IFT57: variants seen among roughly 807,000 people sequenced by gnomAD.
IFT57 encodes the protein intraflagellar transport protein 57 homolog.
Under a neutral mutation model 56.8 loss-of-function variants are expected in IFT57, and 59 were observed. That is an observed-to-expected ratio of 1.04 (90% CI 0.84 to 1.29). IFT57 has a LOEUF of 1.29. Among genes scored for constraint, IFT57 ranks in the 50% most tolerant of loss-of-function variants. The pLI is 0.00. For missense variants in IFT57, 470 were observed against 522.1 expected, an observed-to-expected ratio of 0.90 and a Z score of 0.97; for synonymous variants, 209 against 186.1, an observed-to-expected ratio of 1.12 and a Z score of -1.00.
In IFT57 at chr3:108,222,263, G is replaced by C; in HGVS notation, c.60C>G (p.Ser20=). ...TSGLEDGVPR[S]RGEGTGEVVL... ...CCACTTCCCCGGTCCCTTCGCCACG[G>C]GACCTAGGCACCCCATCTTCCAAAC... The change falls in exon 1 of 11, where the codon TCC becomes TCG. Residue 20 remains serine (S), a synonymous_variant. Transcript: ENST00000264538. 6.2e-7 allele frequency: 1 copy of C among 1,614,034 alleles called. No homozygotes were observed. The highest frequency in any genetic ancestry group is 8.5e-7 in the Non-Finnish European group (1 of 1,180,022).
chr3:108,164,800 T>A (rs1326067927), intron 9 of IFT57, among the ~76,000 whole-genome samples: 1 of 152,128 alleles, frequency 6.6e-6, no homozygotes, highest in Non-Finnish European at 1.5e-5. Context: ...TTGTTCCAAT[T>A]ATACTGGATT....
At chr3:108,204,966 A>G (rs1023420776) in intron 5 of IFT57, among the ~76,000 whole-genome samples, 1 of 152,210 alleles carries the variant, frequency 6.6e-6, no homozygotes, top group African/African-American at 2.4e-5. Flanking sequence ...CGATCTGCAA[A>G]TGTAAGGTAT....
intron 5 of IFT57, among the ~76,000 whole-genome samples, chr3:108,193,887 G>A (rs1185298283): frequency 4.6e-5 from 7 of 152,312 alleles, no homozygotes; most frequent in South Asian, 2.1e-4. Context: ...TAGACTCTAC[G>A]AGACCCAGCT....
intron 3 of IFT57, among the ~76,000 whole-genome samples, chr3:108,214,875 T>C (rs2080362529): frequency 6.6e-6 from 1 of 152,188 alleles, no homozygotes; most frequent in South Asian, 2.1e-4. Flanking sequence ...CTATTCAAGA[T>C]TGTTATAGTT....
intron 4 of IFT57, among the ~76,000 whole-genome samples, chr3:108,207,172 TC>T (rs2108324372): frequency 6.6e-6 from 1 of 152,314 alleles, no homozygotes. Flanking sequence ...TGACATCTCA[TC>T]TCTGGTATGT....
intron 9 of IFT57, among the ~76,000 whole-genome samples, chr3:108,164,417 T>G: frequency 6.6e-6 from 1 of 152,182 alleles, no homozygotes. Flanking sequence ...TTTTACATGA[T>G]CTACAACTAA....
intron 10 of IFT57, among the ~76,000 whole-genome samples, 165 bp from the exon 11 acceptor site, chr3:108,162,820 C>A (rs2080041334): frequency 6.6e-6 from 1 of 151,988 alleles, no homozygotes; most frequent in Admixed American, 6.6e-5. Context: ...ATTTTAAGCA[C>A]CTGAGATTTT....
At chr3:108,211,901 T>G (rs1040948570) in intron 4 of IFT57, among the ~76,000 whole-genome samples, 2 of 152,228 alleles carry the variant, frequency 1.3e-5, no homozygotes, top group African/African-American at 4.8e-5. Flanking sequence ...ACATAAAATT[T>G]GGAATCATCT....
intron 1 of IFT57, among the ~76,000 whole-genome samples, chr3:108,221,653 A>C (rs886645612): frequency 6.6e-6 from 1 of 152,190 alleles, no homozygotes; most frequent in Admixed American, 6.5e-5. Flanking sequence ...ACAGGGTCTT[A>C]AACAACAACA....
At chr3:108,172,773 A>C (rs967148443) in intron 6 of IFT57, among the ~76,000 whole-genome samples, 2 of 151,844 alleles carry the variant, frequency 1.3e-5, no homozygotes, top group African/African-American at 4.8e-5. Context: ...AACTGAGGGG[A>C]TATTAATACT....
At chr3:108,166,632 T>C (rs192633984) in intron 8 of IFT57, among the ~76,000 whole-genome samples, 6 of 152,168 alleles carry the variant, frequency 3.9e-5, no homozygotes, top group Admixed American at 3.9e-4. Flanking sequence ...TTAAATCAAA[T>C]GAAGACGTGC....
intron 6 of IFT57, among the ~76,000 whole-genome samples, chr3:108,190,105 A>G (rs756183410): frequency 2.0e-5 from 3 of 152,168 alleles, no homozygotes; most frequent in Admixed American, 6.6e-5. Context: ...AAGTCTGCCT[A>G]TAAGTGGACC....
chr3:108,165,342 G>T, intron 9 of IFT57, 89 bp downstream of exon 9: 1 of 964,920 alleles, frequency 1.0e-6, no homozygotes, highest in Non-Finnish European at 1.7e-6. Context: ...GGAAGCAACT[G>T]AAATTAGCAG....
At chr3:108,169,087 T>G (rs62264153) in intron 6 of IFT57, among the ~76,000 whole-genome samples, 13,917 of 152,044 alleles carry the variant, frequency 0.092, 696 homozygotes, top group Middle Eastern at 0.12. Context: ...TCCACAATGG[T>G]TGAACTAATT....
chr3:108,176,778 C>T lies in IFT57; in HGVS notation c.778-8914G>A, dbSNP rs556147598. Among the ~76,000 whole-genome samples the T allele has an allele frequency of 5.3e-5, 8 of 151,932 alleles. No individual in the cohort carries two copies. In the South Asian group the frequency reaches 1.7e-3, roughly 31 times the overall value. ...GTTACTTAGAAATTTTTTCTCTCTC[C>T]TTCCTTGGGTATGGAGTAGTACCTC... is the stretch of plus-strand genomic sequence containing the variant. On this transcript the variant is annotated intron_variant, in intron 6 of 10. Coordinates refer to ENST00000264538, the MANE Select transcript of IFT57 (RefSeq NM_018010.4).
chr3:108,191,421 G>A (rs1345468457), intron 6 of IFT57, 100 bp downstream of exon 6: 5 of 701,760 alleles, frequency 7.1e-6, no homozygotes, highest in Non-Finnish European at 1.1e-5. Context: ...GAATCCTACT[G>A]CCCTTCTTTA....
intron 5 of IFT57, among the ~76,000 whole-genome samples, chr3:108,205,815 TTA>T (rs1376498830): frequency 4.7e-5 from 5 of 106,042 alleles, no homozygotes; most frequent in East Asian, 5.0e-4. Context: ...TTATAGCATA[TTA>T]TATATTATTT....
intron 10 of IFT57, 62 bp from the exon 11 acceptor site, chr3:108,162,717 T>C (rs2080040799): frequency 7.1e-6 from 9 of 1,269,506 alleles, no homozygotes; most frequent in Non-Finnish European, 9.4e-6. Context: ...TATTACAGAA[T>C]TGTATGACAT....
intron 8 of IFT57, 46 bp downstream of exon 8, chr3:108,166,808 A>C: frequency 1.3e-6 from 2 of 1,550,900 alleles, no homozygotes; most frequent in Admixed American, 3.5e-5. Context: ...TTTAGGGTTT[A>C]GGGTTGTTAA....
Sources: gnomAD v4.1 joint callset for allele counts (sites outside exome capture counted in the v4.1 genomes callset) on GRCh38, gnomAD v4.1.1 for gene constraint, MANE v1.5 for transcripts, NCBI Gene and HGNC (gene_info 2026-07-23, HGNC 2026-07-21) for gene names.